The following ITGAV variants were observed in gnomAD, a reference collection of about 807,000 sequenced individuals.
ITGAV encodes the protein integrin subunit alpha V, also known as integrin alpha-V.
A neutral mutation model predicts 143.8 loss-of-function variants in ITGAV; 76 were observed. The ratio of observed to expected loss-of-function variants is 0.53; its 90% CI spans 0.44 to 0.64. ITGAV has a LOEUF of 0.64. Ranked by LOEUF, ITGAV falls within the 30% of genes least tolerant of loss-of-function variation. ITGAV has a pLI of 0.00. For synonymous variants in ITGAV, 453 were observed against 446.7 expected (o/e 1.01, Z -0.18); for missense variants, 1,193 against 1,274.7 (o/e 0.94, Z 0.98).
intron 2 of ITGAV, among the ~76,000 whole-genome samples, chr2:186,613,503 T>A (rs560490445): frequency 1.3e-5 from 2 of 152,308 alleles, no homozygotes; most frequent in South Asian, 4.1e-4. Flanking sequence ...GTAAAAGATG[T>A]TTCTGGATAG....
intron 5 of ITGAV, among the ~76,000 whole-genome samples, chr2:186,631,118 T>C (rs928966579): frequency 3.3e-5 from 5 of 152,190 alleles, no homozygotes; most frequent in Admixed American, 2.6e-4. Context: ...CAGTAAATGA[T>C]AGGTAACTAT....
chr2:186,675,981 C>T, intron 28 of ITGAV, 54 bp downstream of exon 28: 2 of 957,516 alleles, frequency 2.1e-6, no homozygotes, highest in South Asian at 1.4e-5. Flanking sequence ...AAATGCTGTA[C>T]ATGTTTTTAT....
In ITGAV at chr2:186,676,852, A is replaced by T. The variant is rs1689224668; in HGVS notation, c.2968A>T (p.Met990Leu). Residue 990 changes from methionine to leucine, a missense_variant, in exon 29 of 30, where the codon ATG (methionine) becomes TTG (leucine). Physicochemically the swap from Met to Leu is conservative, Grantham distance 15 (BLOSUM62 2). Coordinates refer to ENST00000261023, the MANE Select transcript of ITGAV (RefSeq NM_002210.5). The part of the protein sequence containing the change: ...NVTWGIQPAP[M>L]PVPVWVIILA... ...CACCTGGGGCATTCAGCCAGCGCCC[A>T]TGCCTGTGCCTGTGTGGGTGATCAT... is the stretch of plus-strand genomic sequence containing the variant. The T allele has an allele frequency of 1.2e-6, 2 of 1,614,014 alleles. No homozygotes were observed. Among genetic ancestry groups the T allele is most frequent in the African/African-American group, 1.3e-5 (1 of 74,932 alleles).
At chr2:186,669,641 G>A (rs934935974) in intron 25 of ITGAV, 60 bp from the exon 26 acceptor site, 57 of 1,129,680 alleles carry the variant, frequency 5.0e-5, no homozygotes, top group Admixed American at 1.2e-4. Context: ...ATATCAAAAT[G>A]CTGATGTAAA....
intron 3 of ITGAV, among the ~76,000 whole-genome samples, 181 bp from the exon 4 acceptor site, chr2:186,625,292 A>G (rs1384618397): frequency 1.3e-5 from 2 of 152,132 alleles, no homozygotes; most frequent in African/African-American, 4.8e-5. Context: ...CAATTATTTG[A>G]GCTCAGGAGT....
chr2:186,644,527 T>C (rs1233890354), intron 12 of ITGAV, among the ~76,000 whole-genome samples: 1 of 152,052 alleles, frequency 6.6e-6, no homozygotes, highest in East Asian at 1.9e-4. Context: ...AGTTTCACCA[T>C]GTTGGCCAGG....
chr2:186,665,255 C>A, intron 21 of ITGAV, 37 bp downstream of exon 21: 1 of 1,315,838 alleles, frequency 7.6e-7, no homozygotes, highest in Non-Finnish European at 1.1e-6. Context: ...TTCTCCCTGG[C>A]AAATAGAAAA....
At chr2:186,651,284 A>T (rs2105725806) in intron 14 of ITGAV, among the ~76,000 whole-genome samples, 1 of 152,334 alleles carries the variant, frequency 6.6e-6, no homozygotes, top group Middle Eastern at 3.4e-3. Context: ...TCATTTTGAG[A>T]CAGGCACATT....
rs2595391 is a variant in ITGAV at position 186,667,646 on chromosome 2, T to G, written c.2328-25T>G. On this transcript the variant is annotated intron_variant, in intron 23 of 29. Coordinates refer to ENST00000261023, the MANE Select transcript of ITGAV (RefSeq NM_002210.5). Reference sequence around the variant, plus strand: ...GACTATATCATTTTGATATTCATGGTAGGTTTTCTTTGGTCATTGTTTAGA... The same window carrying G: ...GACTATATCATTTTGATATTCATGGGAGGTTTTCTTTGGTCATTGTTTAGA... The G allele has an allele frequency of 0.095, 122,098 of 1,290,164 alleles. 6,464 individuals are homozygous for G. Among genetic ancestry groups the G allele is most frequent in the South Asian group, 0.12 (9,357 of 80,480 alleles). The allele number at this position is 1,290,164 out of a possible 1,614,324, so 79.9% of individuals were successfully genotyped here.
At chr2:186,667,643 T>G (rs1275370180) in intron 23 of ITGAV, 28 bp from the exon 24 acceptor site, 1 of 1,251,660 alleles carries the variant, frequency 8.0e-7, no homozygotes, top group Non-Finnish European at 1.2e-6. Flanking sequence ...TTGATATTCA[T>G]GGTAGGTTTT....
intron 6 of ITGAV, 131 bp from the exon 7 acceptor site, chr2:186,635,951 A>G: frequency 1.6e-6 from 1 of 635,456 alleles, no homozygotes; most frequent in South Asian, 2.9e-5. Flanking sequence ...GATCAAGGAG[A>G]GTTATGTACG....
chr2:186,665,246 T>G, intron 21 of ITGAV, 28 bp downstream of exon 21: 1 of 1,406,074 alleles, frequency 7.1e-7, no homozygotes, highest in Non-Finnish European at 1.0e-6. Context: ...AACGGATTTT[T>G]CTCCCTGGCA....
Position 186,667,025 on chromosome 2 carries a change from A to G in ITGAV, c.2247-125A>G. The G allele has an allele frequency of 6.8e-6, 4 of 592,280 alleles. No individual in the cohort carries two copies. In the South Asian group the frequency reaches 1.3e-4, roughly 20 times the overall value. 36.7% of individuals were successfully genotyped at this position (592,280 alleles called of 1,614,324 possible). A position where few individuals can be genotyped will look rare whatever the true frequency, so the allele number is the denominator to read the frequency against. On this transcript the variant is annotated intron_variant, in intron 22 of 29. Transcript: ENST00000261023. ...TTGGAATTAAGTGTTAATGAAAATAACTATTTTGAGGTATAAGCTTTACAC... is the reference window on the plus strand; with the variant it reads ...TTGGAATTAAGTGTTAATGAAAATAGCTATTTTGAGGTATAAGCTTTACAC...
Position 186,590,183 on chromosome 2 carries a change from T to A in ITGAV, c.-156T>A. The A allele has an allele frequency of 1.8e-6, 1 of 570,468 alleles. No individual in the cohort carries two copies. The highest frequency in any genetic ancestry group is 2.7e-6 in the Non-Finnish European group (1 of 370,166). 35.3% of individuals were successfully genotyped at this position (570,468 alleles called of 1,614,324 possible). ...TGGCGGTCGCTCCGAAGCTCAGCCC[T>A]CTTGCCTGCCCCGGAGCTGTCCCGG... is the stretch of plus-strand genomic sequence containing the variant. On this transcript the variant is annotated 5_prime_UTR_variant, in exon 1 of 30. Coordinates refer to ENST00000261023, the MANE Select transcript of ITGAV (RefSeq NM_002210.5).
chr2:186,615,900 GTTTTC>G (rs1687342216), intron 2 of ITGAV, among the ~76,000 whole-genome samples: 1 of 151,908 alleles, frequency 6.6e-6, no homozygotes, highest in African/African-American at 2.4e-5. Context: ...TTATTTCCTT[GTTTTC>G]TTTTAAGAGT....
chr2:186,597,775 G>C (rs1284682700), intron 1 of ITGAV, among the ~76,000 whole-genome samples: 1 of 152,144 alleles, frequency 6.6e-6, no homozygotes, highest in East Asian at 1.9e-4. Flanking sequence ...TCTCATAGGA[G>C]CAAACCCTAT....
chr2:186,668,797 A>T lies in ITGAV; in HGVS notation c.2469A>T (p.Ala823=), dbSNP rs746591899. The change falls in exon 25 of 30, where the codon GCA becomes GCT. Residue 823 remains alanine (A), a synonymous_variant. Coordinates refer to ENST00000261023, the MANE Select transcript of ITGAV (RefSeq NM_002210.5). ...ATGGTCCAAGTTCATTCAGCAAGGC[A>T]ATGCTCCATCTTCAGTGGCCTTACA... ...RNNGPSSFSK[A]MLHLQWPYKY... The T allele has an allele frequency of 6.2e-7, 1 of 1,613,800 alleles. No individual in the cohort carries two copies. Among genetic ancestry groups the T allele is most frequent in the East Asian group, 2.2e-5 (1 of 44,838 alleles).
chr2:186,638,486 C>G, intron 10 of ITGAV, 21 bp downstream of exon 10: 1 of 1,591,066 alleles, frequency 6.3e-7, no homozygotes, highest in Non-Finnish European at 8.6e-7. Flanking sequence ...AAAATATGAT[C>G]GTCCTCTCCC....
At chr2:186,623,043 C>T (rs1389915479) in intron 3 of ITGAV, among the ~76,000 whole-genome samples, 1 of 152,048 alleles carries the variant, frequency 6.6e-6, no homozygotes, top group East Asian at 1.9e-4. Flanking sequence ...GAAAATACGA[C>T]ACGATGTTGA....
Sources: allele counts gnomAD v4.1 joint callset (sites outside exome capture counted in the v4.1 genomes callset), GRCh38; gene constraint gnomAD v4.1.1; transcripts MANE v1.5; gene names NCBI Gene and HGNC (gene_info 2026-07-23, HGNC 2026-07-21).